Variants in RBFOX1 observed in about 807,000 individuals in gnomAD.
The protein encoded by RBFOX1 is RNA binding fox-1 homolog 1, also known as RNA binding protein fox-1 homolog 1.
In RBFOX1, 8 loss-of-function variants were observed where a neutral mutation model predicts 57.7. That is an observed-to-expected ratio of 0.14 (90% confidence interval 0.08 to 0.25). The LOEUF (loss-of-function observed/expected upper bound fraction) is 0.25. RBFOX1 is among the 10% of genes least tolerant of loss of function. RBFOX1 has a pLI of 1.00. For missense variants in RBFOX1, 611 were observed against 548.5 expected (o/e 1.11, Z -1.14); for synonymous variants, 326 against 222.4 (o/e 1.47, Z -4.15).
intron 4 of RBFOX1, among the ~76,000 whole-genome samples, chr16:7,411,414 T>G (rs1170440336): frequency 2.0e-5 from 3 of 152,186 alleles, no homozygotes. Flanking sequence ...TCACCCGGTC[T>G]TTCAGAGAGG....
At chr16:7,018,576 C>A (rs948524429) in intron 3 of RBFOX1, among the ~76,000 whole-genome samples, 2 of 152,044 alleles carry the variant, frequency 1.3e-5, no homozygotes, top group Non-Finnish European at 2.9e-5. Context: ...AATTTATAAT[C>A]CTTTGGGTAT....
rs1547954 is a variant in RBFOX1, at chr16:6,369,614, A to G, written c.-64+52557A>G. Among the ~76,000 whole-genome samples, 875 of 152,272 alleles carry G rather than the reference A, an allele frequency of 5.7e-3. 7 individuals are homozygous for G. Among genetic ancestry groups the G allele is most frequent in the African/African-American group, 0.02 (847 of 41,550 alleles). ...GAAAAATCTGTGTCTTGTTACTACC[A>G]TGTTCCCCCACCATCTTTCCTTTAT... is the stretch of plus-strand genomic sequence containing the variant. On this transcript the variant is annotated intron_variant, in intron 2 of 15. Transcript: ENST00000550418.
chr16:7,277,777 A>G (rs2095469220), intron 4 of RBFOX1, among the ~76,000 whole-genome samples: 1 of 152,190 alleles, frequency 6.6e-6, no homozygotes. Context: ...AGTCCAGTAT[A>G]GAAAACAGGA....
At chr16:7,681,264 C>T (rs761244573) in intron 14 of RBFOX1, among the ~76,000 whole-genome samples, 4 of 152,004 alleles carry the variant, frequency 2.6e-5, no homozygotes, top group African/African-American at 4.8e-5. Context: ...TAAATCGATA[C>T]ATAGGTGGGT....
At chr16:6,968,504 C>G (rs571215119) in intron 3 of RBFOX1, among the ~76,000 whole-genome samples, 44 of 152,274 alleles carry the variant, frequency 2.9e-4, no homozygotes, top group African/African-American at 1.0e-3. Context: ...CTGAAGTTCT[C>G]CCATAGCCGT....
chr16:6,815,342 C>A (rs764726363), intron 3 of RBFOX1, among the ~76,000 whole-genome samples: 1 of 152,134 alleles, frequency 6.6e-6, no homozygotes, highest in African/African-American at 2.4e-5. Context: ...GAACTCCTGT[C>A]TCATCCTGTG....
intron 1 of RBFOX1, among the ~76,000 whole-genome samples, chr16:5,297,025 T>C (rs565910027): frequency 9.2e-5 from 14 of 152,330 alleles, no homozygotes; most frequent in Admixed American, 1.3e-4. Flanking sequence ...TATTTGTCTT[T>C]CTGAGCTTGG....
intron 3 of RBFOX1, among the ~76,000 whole-genome samples, chr16:6,855,184 C>T (rs370952538): frequency 1.1e-4 from 17 of 152,050 alleles, no homozygotes; most frequent in Non-Finnish European, 2.5e-4. Context: ...GCATGATATC[C>T]CCAGTACCCA....
At chr16:7,293,917 G>T (rs939558094) in intron 4 of RBFOX1, among the ~76,000 whole-genome samples, 2 of 152,128 alleles carry the variant, frequency 1.3e-5, no homozygotes, top group African/African-American at 4.8e-5. Context: ...TCCAGGTCAA[G>T]GTGGATTAAT....
At chr16:6,351,658 G>A (rs2086425967) in intron 2 of RBFOX1, among the ~76,000 whole-genome samples, 1 of 151,908 alleles carries the variant, frequency 6.6e-6, no homozygotes, top group Non-Finnish European at 1.5e-5. Flanking sequence ...ACAGGCATAA[G>A]CCACCGCTCC....
At chr16:5,245,329 GGCTGAGGTT>G (rs2062270307) in intron 1 of RBFOX1, among the ~76,000 whole-genome samples, 2 of 152,186 alleles carry the variant, frequency 1.3e-5, no homozygotes, top group African/African-American at 4.8e-5. Context: ...TGGACTCATT[GGCTGAGGTT>G]GCTTGGGACC....
chr16:6,706,391 C>T (rs1017057426), intron 3 of RBFOX1, among the ~76,000 whole-genome samples: 2 of 152,180 alleles, frequency 1.3e-5, no homozygotes, highest in Admixed American at 6.5e-5. Context: ...ATAGGTGTCT[C>T]TTGGGGAATA....
intron 4 of RBFOX1, among the ~76,000 whole-genome samples, chr16:7,486,185 T>A (rs2065337430): frequency 7.2e-6 from 1 of 138,588 alleles, no homozygotes; most frequent in Admixed American, 8.2e-5. Context: ...TGCAGTGGCG[T>A]GATCTCAGCT....
chr16:6,076,582 C>G (rs1195783185), intron 1 of RBFOX1, among the ~76,000 whole-genome samples: 4 of 152,056 alleles, frequency 2.6e-5, no homozygotes, highest in African/African-American at 4.8e-5. Flanking sequence ...ATCCTCCCAC[C>G]TCTGCCTCCC....
chr16:5,966,648 C>G (rs1212940797), intron 4 of RBFOX1, among the ~76,000 whole-genome samples: 1 of 152,090 alleles, frequency 6.6e-6, no homozygotes, highest in African/African-American at 2.4e-5. Flanking sequence ...GACAAGGTTT[C>G]GCCACACACC....
intron 3 of RBFOX1, among the ~76,000 whole-genome samples, chr16:6,794,280 A>ATTT (rs372963833): frequency 0.25 from 31,825 of 124,882 alleles, 4,989 homozygotes; most frequent in Non-Finnish European, 0.35. Context: ...CTTGTTCGTG[A>ATTT]TTTTTTTTTT....
At chr16:6,920,640 G>C (rs2074260286) in intron 3 of RBFOX1, among the ~76,000 whole-genome samples, 1 of 152,146 alleles carries the variant, frequency 6.6e-6, no homozygotes, top group Admixed American at 6.5e-5. Flanking sequence ...TGGAAGCTTT[G>C]AGGGAGAATA....
At chr16:6,737,786 T>G (rs1321367983) in intron 3 of RBFOX1, among the ~76,000 whole-genome samples, 1 of 152,196 alleles carries the variant, frequency 6.6e-6, no homozygotes, top group Non-Finnish European at 1.5e-5. Flanking sequence ...GAAAGGTATC[T>G]TATATCAAGA....
At chr16:5,952,619 C>T (rs908660754) in intron 4 of RBFOX1, among the ~76,000 whole-genome samples, 1 of 151,976 alleles carries the variant, frequency 6.6e-6, no homozygotes, top group South Asian at 2.1e-4. Flanking sequence ...TGTTATTTAC[C>T]ATTATATTCT....
Sources: allele counts gnomAD v4.1 joint callset (sites outside exome capture counted in the v4.1 genomes callset), GRCh38; gene constraint gnomAD v4.1.1; transcripts MANE v1.5; gene names NCBI Gene and HGNC (gene_info 2026-07-23, HGNC 2026-07-21).